Variants in GPHN observed in about 807,000 individuals in gnomAD.
The protein encoded by GPHN is gephyrin.
A neutral mutation model predicts 95.5 loss-of-function variants in GPHN; 17 were observed. That is an observed-to-expected ratio of 0.18 (90% CI 0.12 to 0.27). The LOEUF (loss-of-function observed/expected upper bound fraction) is 0.27, where lower values mean the gene tolerates loss of function less well. Among genes scored for constraint, GPHN ranks in the 10% least tolerant of loss-of-function variants. The pLI, the probability that GPHN is intolerant of heterozygous loss-of-function variation, is 1.00. For missense variants in GPHN, 660 were observed against 978.1 expected, an observed-to-expected ratio of 0.67 and a Z score of 4.34; for synonymous variants, 320 against 322.5, an observed-to-expected ratio of 0.99 and a Z score of 0.08.
At chr14:67,372,932 A>C in the GPHN span, among the ~76,000 whole-genome samples, 3 of 152,242 alleles carry the variant, frequency 2.0e-5, no homozygotes, top group Non-Finnish European at 4.4e-5. Flanking sequence ...ATAATTGGAT[A>C]GCAAATATGC....
intron 11 of GPHN, among the ~76,000 whole-genome samples, chr14:67,077,303 C>T (rs2076531099): frequency 6.6e-6 from 1 of 152,146 alleles, no homozygotes; most frequent in Admixed American, 6.5e-5. Context: ...TTAGATGATT[C>T]TGCCCAACTG....
the GPHN span, among the ~76,000 whole-genome samples, chr14:67,689,124 A>C: frequency 6.6e-6 from 1 of 152,220 alleles, no homozygotes; most frequent in African/African-American, 2.4e-5. Flanking sequence ...CTCTTTGGAT[A>C]GTTTTCACCA....
chr14:67,577,897 T>A, the GPHN span: 1 of 764,060 alleles, frequency 1.3e-6, no homozygotes, highest in Non-Finnish European at 2.1e-6. Flanking sequence ...GTAGCAGTGC[T>A]CCCTCTTAGA....
At chr14:67,376,354 C>A in the GPHN span, 1 of 1,297,220 alleles carries the variant, frequency 7.7e-7, no homozygotes, top group Non-Finnish European at 1.0e-6. Context: ...TTATTGTAGC[C>A]AAATTATGTT....
intron 12 of GPHN, 98 bp from the exon 13 acceptor site, chr14:67,100,758 A>T: frequency 1.2e-6 from 1 of 810,418 alleles, no homozygotes; most frequent in Admixed American, 1.8e-5. Flanking sequence ...AGCCTTATCA[A>T]ATAATTTGAG....
intron 3 of GPHN, among the ~76,000 whole-genome samples, chr14:66,784,728 G>A (rs2059713006): frequency 6.6e-6 from 1 of 152,050 alleles, no homozygotes; most frequent in South Asian, 2.1e-4. Flanking sequence ...AGTATACAAA[G>A]CAATATACTC....
chr14:67,431,085 CAA>C, the GPHN span, among the ~76,000 whole-genome samples: 3 of 152,074 alleles, frequency 2.0e-5, no homozygotes, highest in African/African-American at 7.2e-5. Flanking sequence ...TCTGGGCTAA[CAA>C]GAGCAGATAA....
At chr14:66,513,410 G>A (rs1024601763) in intron 1 of GPHN, among the ~76,000 whole-genome samples, 3 of 151,724 alleles carry the variant, frequency 2.0e-5, no homozygotes, top group East Asian at 1.9e-4. Context: ...AGGAAGTGAC[G>A]AATAAGAGTC....
At chr14:67,668,888 A>C in the GPHN span, among the ~76,000 whole-genome samples, 2 of 152,202 alleles carry the variant, frequency 1.3e-5, no homozygotes, top group Admixed American at 1.3e-4. Context: ...AAAGGAAGAC[A>C]AACAATATAC....
chr14:66,844,452 G>GCACACA (rs1436578281), intron 4 of GPHN, among the ~76,000 whole-genome samples: 5 of 152,118 alleles, frequency 3.3e-5, no homozygotes, highest in African/African-American at 1.2e-4. Context: ...AGTGGGGTGT[G>GCACACA]TATGTGTGCA....
At chr14:67,340,928 G>A in the GPHN span, among the ~76,000 whole-genome samples, 4 of 152,240 alleles carry the variant, frequency 2.6e-5, no homozygotes, top group Non-Finnish European at 5.9e-5. Context: ...CGCCAGCCTC[G>A]GCCTCCCGAG....
chr14:67,347,198 C>T, the GPHN span, among the ~76,000 whole-genome samples: 9 of 152,080 alleles, frequency 5.9e-5, no homozygotes, highest in Admixed American at 5.9e-4. Context: ...CTCAGCCTCC[C>T]AAAGTGCCAG....
intron 8 of GPHN, among the ~76,000 whole-genome samples, chr14:66,928,186 T>C (rs1396953013): frequency 6.6e-6 from 1 of 152,182 alleles, no homozygotes; most frequent in Non-Finnish European, 1.5e-5. Context: ...GGGAGACTTT[T>C]TATTATGGCT....
the GPHN span, among the ~76,000 whole-genome samples, chr14:67,238,778 G>A: frequency 6.6e-6 from 1 of 151,828 alleles, no homozygotes; most frequent in Non-Finnish European, 1.5e-5. Flanking sequence ...CAAGTAGCTG[G>A]GATTATAAGC....
At chr14:66,909,267 A>G (rs928084876) in intron 5 of GPHN, among the ~76,000 whole-genome samples, 1 of 152,110 alleles carries the variant, frequency 6.6e-6, no homozygotes, top group African/African-American at 2.4e-5. Flanking sequence ...AATGATTTCA[A>G]TATTATTTAA....
intron 11 of GPHN, among the ~76,000 whole-genome samples, chr14:67,073,045 A>C (rs564326122): frequency 2.6e-5 from 4 of 152,148 alleles, no homozygotes; most frequent in African/African-American, 9.6e-5. Flanking sequence ...TTATTTTATA[A>C]AATATTTCCT....
intron 1 of GPHN, among the ~76,000 whole-genome samples, chr14:66,603,282 T>C (rs2062346910): frequency 6.6e-6 from 1 of 151,858 alleles, no homozygotes; most frequent in African/African-American, 2.4e-5. Context: ...TATCCAGAAA[T>C]AGTAATATTT....
At chr14:67,392,731 G>C in the GPHN span, 6 of 1,614,054 alleles carry the variant, frequency 3.7e-6, no homozygotes, top group Admixed American at 1.0e-4. Context: ...TGGCTCCCAT[G>C]CTTCGGACAC....
intron 1 of GPHN, among the ~76,000 whole-genome samples, chr14:66,562,036 G>A (rs912008638): frequency 6.6e-6 from 1 of 152,026 alleles, no homozygotes; most frequent in Admixed American, 6.6e-5. Context: ...ATTGGGAAAG[G>A]GTCTCTCTTT....
Sources: allele counts gnomAD v4.1 joint callset (sites outside exome capture counted in the v4.1 genomes callset), GRCh38; gene constraint gnomAD v4.1.1; transcripts MANE v1.5; gene names NCBI Gene and HGNC (gene_info 2026-07-23, HGNC 2026-07-21).